SDK1: variants seen among roughly 807,000 people sequenced by gnomAD.
SDK1 encodes the protein protein sidekick-1.
In SDK1, 157 loss-of-function variants were observed where a neutral mutation model predicts 245.5. The observed-to-expected ratio is 0.64, with a 90% CI of 0.56 to 0.73. The LOEUF (loss-of-function observed/expected upper bound fraction) is 0.73, where lower values mean the gene tolerates loss of function less well. Among genes scored for constraint, SDK1 ranks in the 30% least tolerant of loss-of-function variants. The probability of loss-of-function intolerance (pLI) is 0.00; values close to 1 mark genes in which losing one functional copy is unlikely to be tolerated. For missense variants in SDK1, 3,583 were observed against 3,002.3 expected, an observed-to-expected ratio of 1.19 and a Z score of -4.52; for synonymous variants, 1,647 against 1,278.5, an observed-to-expected ratio of 1.29 and a Z score of -6.15.
chr7:3,955,806 C>A (rs1366989492), intron 7 of SDK1, among the ~76,000 whole-genome samples: 10 of 152,186 alleles, frequency 6.6e-5, no homozygotes, highest in Admixed American at 6.5e-4. Flanking sequence ...TCCATTGGGC[C>A]TGAGCCTGCA....
intron 5 of SDK1, among the ~76,000 whole-genome samples, chr7:3,843,199 G>C (rs575624463): frequency 6.6e-6 from 1 of 152,126 alleles, no homozygotes. Flanking sequence ...ATGAAGCCTC[G>C]TGGTAACTCA....
intron 17 of SDK1, among the ~76,000 whole-genome samples, chr7:4,021,607 C>T (rs1786901497): frequency 6.6e-6 from 1 of 152,184 alleles, no homozygotes. Context: ...AAGCCTGCTG[C>T]TGCAGTGCCA....
rs779685651 is a variant in SDK1 at position 4,127,404 on chromosome 7, G to T, written c.3847G>T (p.Val1283Leu). 2 of 1,614,138 alleles carry T rather than the reference G, an allele frequency of 1.2e-6. No homozygotes were observed. Among genetic ancestry groups the T allele is most frequent in the Non-Finnish European group, 1.7e-6 (2 of 1,179,988 alleles). ...ESVPSAAPENVSAEAVSSTQI... is the reference protein window; with the variant it reads ...ESVPSAAPENLSAEAVSSTQI... ...AGTTCCTTCAGCCGCCCCTGAGAACGTGTCAGCCGAGGCTGTCAGCTCGAC... is the reference window on the plus strand; with the variant it reads ...AGTTCCTTCAGCCGCCCCTGAGAACTTGTCAGCCGAGGCTGTCAGCTCGAC... The change falls in exon 26 of 45, where the codon GTG becomes TTG. Residue 1283 changes from valine to leucine, a missense_variant. Transcript: ENST00000404826.
intron 1 of SDK1, among the ~76,000 whole-genome samples, chr7:3,465,583 A>T (rs1780974014): frequency 6.6e-6 from 1 of 151,994 alleles, no homozygotes; most frequent in African/African-American, 2.4e-5. Flanking sequence ...CTGTTGGGTG[A>T]TGGGTGGGAT....
intron 1 of SDK1, among the ~76,000 whole-genome samples, chr7:3,467,089 CATT>C (rs144352086): frequency 0.022 from 3,289 of 150,712 alleles, 129 homozygotes; most frequent in African/African-American, 0.075. Flanking sequence ...TGGTAAAAGT[CATT>C]ATACCTGGTT....
chr7:3,625,250 A>T (rs189686073), intron 2 of SDK1, among the ~76,000 whole-genome samples: 57 of 152,340 alleles, frequency 3.7e-4, no homozygotes, highest in African/African-American at 1.3e-3. Context: ...AAAAGCATTG[A>T]GAAACTTCAT....
At chr7:3,955,770 G>T (rs1006194958) in intron 7 of SDK1, among the ~76,000 whole-genome samples, 1 of 152,186 alleles carries the variant, frequency 6.6e-6, no homozygotes, top group Non-Finnish European at 1.5e-5. Flanking sequence ...GGTGTTGTTG[G>T]GGGGTCCTTC....
intron 1 of SDK1, among the ~76,000 whole-genome samples, chr7:3,525,639 G>A (rs533857317): frequency 2.6e-5 from 4 of 151,750 alleles, no homozygotes; most frequent in Non-Finnish European, 4.4e-5. Flanking sequence ...TTTTCTCTTA[G>A]AGCCCCATTT....
intron 5 of SDK1, among the ~76,000 whole-genome samples, chr7:3,858,472 A>C (rs1313395732): frequency 7.5e-6 from 1 of 134,052 alleles, no homozygotes; most frequent in African/African-American, 4.0e-5. Context: ...TACCCAGGAA[A>C]AAAAAATCAC....
At chr7:3,944,879 G>A (rs544859302) in intron 5 of SDK1, among the ~76,000 whole-genome samples, 98 of 152,344 alleles carry the variant, frequency 6.4e-4, no homozygotes, top group African/African-American at 2.2e-3. Flanking sequence ...GCCTGAGCCT[G>A]AGGACACTTG....
intron 38 of SDK1, among the ~76,000 whole-genome samples, chr7:4,216,287 C>T (rs1046925880): frequency 1.3e-5 from 2 of 152,168 alleles, no homozygotes; most frequent in Non-Finnish European, 2.9e-5. Context: ...TCGTGCACCC[C>T]GTGGAGGTTA....
chr7:3,633,177 A>G (rs1782350241), intron 2 of SDK1, among the ~76,000 whole-genome samples: 1 of 152,190 alleles, frequency 6.6e-6, no homozygotes, highest in Non-Finnish European at 1.5e-5. Flanking sequence ...ATATTTTCAT[A>G]CCAGCATAAA....
At chr7:3,615,856 C>T (rs1422010132) in intron 1 of SDK1, among the ~76,000 whole-genome samples, 1 of 143,574 alleles carries the variant, frequency 7.0e-6, no homozygotes, top group Admixed American at 6.9e-5. Flanking sequence ...AATCACACAA[C>T]CTCTTCAAAG....
chr7:3,722,396 G>T (rs1778842220), intron 4 of SDK1, among the ~76,000 whole-genome samples: 2 of 152,210 alleles, frequency 1.3e-5, no homozygotes, highest in South Asian at 4.2e-4. Context: ...GGGCACCCTG[G>T]GGAGTCAGCC....
chr7:4,268,511 C>T lies in SDK1; in HGVS notation c.*3127C>T. The T allele has an allele frequency of 1.7e-6, 2 of 1,202,554 alleles. No homozygotes were observed. Among genetic ancestry groups the T allele is most frequent in the Non-Finnish European group, 2.1e-6 (2 of 942,700 alleles). The allele number at this position is 1,202,554 out of a possible 1,614,324, so 74.5% of individuals were successfully genotyped here. Reference sequence around the variant, plus strand: ...AACGAGGGGCCCCAGGGAGAGGGGACCCAGATGGCCACACACGGAACGCGC... The same window carrying T: ...AACGAGGGGCCCCAGGGAGAGGGGATCCAGATGGCCACACACGGAACGCGC... On this transcript the variant is annotated 3_prime_UTR_variant, in exon 45 of 45. Transcript: ENST00000404826.
At chr7:3,310,925 CTGAT>C (rs1435734491) in intron 1 of SDK1, among the ~76,000 whole-genome samples, 1 of 152,182 alleles carries the variant, frequency 6.6e-6, no homozygotes, top group Non-Finnish European at 1.5e-5. Context: ...GTTGTGAGGG[CTGAT>C]TGATATGATT....
chr7:3,836,339 A>G (rs989612447), intron 5 of SDK1, among the ~76,000 whole-genome samples: 1 of 152,254 alleles, frequency 6.6e-6, no homozygotes. Context: ...ACTTATACAC[A>G]TATACATAAC....
At chr7:3,566,312 C>G (rs7776776) in intron 1 of SDK1, among the ~76,000 whole-genome samples, 26,283 of 150,728 alleles carry the variant, frequency 0.17, 3,308 homozygotes, top group African/African-American at 0.35. Flanking sequence ...GCAAGCTCCC[C>G]CTCCCAGGTT....
chr7:3,342,156 T>G (rs1326873704), intron 1 of SDK1, among the ~76,000 whole-genome samples: 1 of 152,182 alleles, frequency 6.6e-6, no homozygotes, highest in Admixed American at 6.5e-5. Flanking sequence ...ATTATTCTTC[T>G]CAACAAATGG....
Sources: allele counts gnomAD v4.1 joint callset (sites outside exome capture counted in the v4.1 genomes callset), GRCh38; gene constraint gnomAD v4.1.1; transcripts MANE v1.5; gene names NCBI Gene and HGNC (gene_info 2026-07-23, HGNC 2026-07-21).